Variants in MGST1 observed in about 807,000 individuals in gnomAD.
MGST1 encodes glutathione S-transferase 12.
MGST1 carries 5 observed loss-of-function variants against 8.9 expected under a neutral mutation model. The observed-to-expected ratio is 0.56, with a 90% confidence interval of 0.29 to 1.19. The LOEUF is 1.19. MGST1 is among the 50% of genes most tolerant of loss of function. The probability of loss-of-function intolerance (pLI) is 0.08; values close to 1 mark genes in which losing one functional copy is unlikely to be tolerated. For synonymous variants in MGST1, 54 were observed against 67.8 expected (o/e 0.80, Z 1.00); for missense variants, 182 against 187.4 (o/e 0.97, Z 0.17).
At chr12:16,556,188 T>C (rs1197422347) in intron 4 of MGST1, among the ~76,000 whole-genome samples, 1 of 152,236 alleles carries the variant, frequency 6.6e-6, no homozygotes, top group Non-Finnish European at 1.5e-5. Context: ...TTCCTTTTCT[T>C]ACAAAACTAT....
In MGST1 at chr12:16,401,929, T is replaced by C. The variant is rs968845076; in HGVS notation, n.778+18325T>C. Reference sequence around the variant, plus strand: ...GCGACTGTATATGCCACAACTGCACTGATATCTATTTTGTCAAAGCCTTCT... The same window carrying C: ...GCGACTGTATATGCCACAACTGCACCGATATCTATTTTGTCAAAGCCTTCT... On this transcript the variant is annotated intron_variant and non_coding_transcript_variant, in intron 1 of 1. Coordinates refer to the MGST1 transcript ENST00000359720. The surrounding 1 kb of genome is among the most constrained non-coding windows in gnomAD (Gnocchi z 4.3). The C allele has an allele frequency of 6.8e-6, 11 of 1,609,598 alleles. No individual in the cohort carries two copies. Among genetic ancestry groups the C allele is most frequent in the Non-Finnish European group, 9.4e-6 (11 of 1,175,840 alleles).
At chr12:16,535,058 G>A (rs765222080) in intron 4 of MGST1, among the ~76,000 whole-genome samples, 3 of 152,096 alleles carry the variant, frequency 2.0e-5, no homozygotes, top group Non-Finnish European at 2.9e-5. Flanking sequence ...GTCCCCCTTA[G>A]GGTTTGACTC....
rs541350146 is a variant in MGST1, at chr12:16,478,271, G to T, written n.482+94667G>T. ...TCTTGATCTCTTGACCTCATGATCCGCCTGCCTCGGCTTCCCAAAGTGTTG... is the reference window on the plus strand; with the variant it reads ...TCTTGATCTCTTGACCTCATGATCCTCCTGCCTCGGCTTCCCAAAGTGTTG... On this transcript the variant is annotated intron_variant and non_coding_transcript_variant, in intron 4 of 4. Transcript: ENST00000538857. 2.8e-4 allele frequency among the ~76,000 whole-genome samples: 42 copies of T among 152,204 alleles called. 1 individual carries two copies. The highest frequency in any genetic ancestry group is 3.4e-3 in the Middle Eastern group (1 of 294).
In MGST1 at chr12:16,399,926, C is replaced by T. The variant is rs894034428; in HGVS notation, n.778+16322C>T. The T allele has an allele frequency of 4.6e-6, 6 of 1,292,184 alleles. No individual in the cohort carries two copies. In the Admixed American group the frequency reaches 8.4e-5, roughly 18 times the overall value. The allele number at this position is 1,292,184 out of a possible 1,614,324, so 80.0% of individuals were successfully genotyped here. A position where few individuals can be genotyped will look rare whatever the true frequency, so the allele number is the denominator to read the frequency against. ...ATCAGCTCTACTTCATCCAATGTCA[C>T]CACAAAAGGTGGCCATTCCATAGCA... On this transcript the variant is annotated intron_variant and non_coding_transcript_variant, in intron 1 of 1. Coordinates refer to the MGST1 transcript ENST00000359720.
chr12:16,471,638 AC>A (rs1340875374), intron 4 of MGST1, among the ~76,000 whole-genome samples: 4 of 152,192 alleles, frequency 2.6e-5, no homozygotes, highest in Admixed American at 2.6e-4. Flanking sequence ...CCAGAAAAAA[AC>A]ATATTTACTA....
chr12:16,448,373 A>G (rs927752965), intron 4 of MGST1, among the ~76,000 whole-genome samples: 1 of 151,864 alleles, frequency 6.6e-6, no homozygotes, highest in African/African-American at 2.4e-5. Context: ...ACTACTTAAA[A>G]CATAAAGCAG....
chr12:16,464,493 C>T (rs922997807), intron 4 of MGST1, among the ~76,000 whole-genome samples: 1 of 152,152 alleles, frequency 6.6e-6, no homozygotes, highest in Non-Finnish European at 1.5e-5. Flanking sequence ...CATAATTAGC[C>T]ATGGGCTGTG....
At chr12:16,432,984 A>T (rs1156412519) in intron 1 of MGST1, among the ~76,000 whole-genome samples, 1 of 151,930 alleles carries the variant, frequency 6.6e-6, no homozygotes, top group African/African-American at 2.4e-5. Flanking sequence ...CTCTAGAGGG[A>T]CAGAATTAAT....
intron 4 of MGST1, chr12:16,573,470 A>G (rs1942889806): frequency 6.6e-6 from 1 of 152,174 alleles, no homozygotes; most frequent in Admixed American, 6.5e-5. Flanking sequence ...CACATGTATA[A>G]ATAAAGTACT....
chr12:16,539,829 C>A (rs758502567), intron 4 of MGST1, among the ~76,000 whole-genome samples: 1 of 152,180 alleles, frequency 6.6e-6, no homozygotes, highest in Non-Finnish European at 1.5e-5. Context: ...TACACACATA[C>A]ATATATTTTT....
At chr12:16,368,922 A>T (rs1940240563), downstream of MGST1, among the ~76,000 whole-genome samples, 1 of 152,192 alleles carries the variant, frequency 6.6e-6, no homozygotes, top group South Asian at 2.1e-4. Context: ...TGTATTAGTA[A>T]CTTCAAGAAA....
At chr12:16,495,127 C>A (rs1049998329) in intron 4 of MGST1, among the ~76,000 whole-genome samples, 1 of 152,188 alleles carries the variant, frequency 6.6e-6, no homozygotes, top group African/African-American at 2.4e-5. Context: ...CCTACAATGT[C>A]CAGGATAACA....
At chr12:16,563,308 C>CT (rs1297302953) in intron 4 of MGST1, among the ~76,000 whole-genome samples, 15 of 152,146 alleles carry the variant, frequency 9.9e-5, no homozygotes. Flanking sequence ...TTCGAGTTCT[C>CT]TTTTTTCTCA....
chr12:16,484,766 C>T (rs961078506), intron 4 of MGST1, among the ~76,000 whole-genome samples: 2 of 152,146 alleles, frequency 1.3e-5, no homozygotes, highest in African/African-American at 4.8e-5. Context: ...TCCCACCAGG[C>T]CTGTCCTCCA....
At chr12:16,466,144 TA>T (rs1941253503) in intron 4 of MGST1, among the ~76,000 whole-genome samples, 1 of 152,198 alleles carries the variant, frequency 6.6e-6, no homozygotes, top group South Asian at 2.1e-4. Context: ...AAAACAGCCA[TA>T]AGTTTTTTTA....
At chr12:16,402,470 G>A (rs771899825) in intron 1 of MGST1, 47 of 1,556,466 alleles carry the variant, frequency 3.0e-5, no homozygotes, top group African/African-American at 4.1e-5. Flanking sequence ...GCGATGTCCC[G>A]GCTCTGCCAC....
intron 4 of MGST1, among the ~76,000 whole-genome samples, chr12:16,525,282 C>T (rs1034600331): frequency 2.8e-5 from 4 of 142,838 alleles, no homozygotes; most frequent in African/African-American, 7.8e-5. Context: ...TCTCCCAATG[C>T]TATCCCTCCC....
chr12:16,443,658 T>G (rs576243569), downstream of MGST1, among the ~76,000 whole-genome samples: 13 of 152,038 alleles, frequency 8.6e-5, no homozygotes, highest in East Asian at 2.5e-3. Context: ...CATTTTACTA[T>G]TATTTCATGC....
chr12:16,539,242 A>G (rs1941778391), intron 4 of MGST1, among the ~76,000 whole-genome samples: 1 of 152,164 alleles, frequency 6.6e-6, no homozygotes, highest in African/African-American at 2.4e-5. Flanking sequence ...TCAACTTCAG[A>G]TTAAATTTAA....
Sources: gnomAD v4.1 joint callset for allele counts (sites outside exome capture counted in the v4.1 genomes callset) on GRCh38, gnomAD v4.1.1 for gene constraint, Gnocchi (gnomAD v3.1) non-coding constraint, MANE v1.5 for transcripts, NCBI Gene and HGNC (gene_info 2026-07-23, HGNC 2026-07-21) for gene names.